The following SLC25A12 variants were observed in gnomAD, a reference collection of about 807,000 sequenced individuals.
SLC25A12 encodes electrogenic aspartate/glutamate antiporter SLC25A12, mitochondrial.
A neutral mutation model predicts 83.3 loss-of-function variants in SLC25A12; 32 were observed. That is an observed-to-expected ratio of 0.38 (90% CI 0.29 to 0.52). The LOEUF (loss-of-function observed/expected upper bound fraction) is 0.52. Ranked by LOEUF, SLC25A12 falls within the 20% of genes least tolerant of loss-of-function variation. The pLI, the probability that SLC25A12 is intolerant of heterozygous loss-of-function variation, is 0.84. For synonymous variants in SLC25A12, 267 were observed against 291.1 expected (o/e 0.92, Z 0.84); for missense variants, 611 against 835.6 (o/e 0.73, Z 3.31).
chr2:171,789,524 G>T (rs941835265), intron 15 of SLC25A12, among the ~76,000 whole-genome samples: 1 of 152,188 alleles, frequency 6.6e-6, no homozygotes, highest in Admixed American at 6.5e-5. Flanking sequence ...CACCAAGCTC[G>T]GCCTCAGCCT....
rs869070730 is a variant in SLC25A12 at position 171,821,017 on chromosome 2, C to CTTTTTTT, written c.930+5774_930+5780dup. On this transcript the variant is annotated intron_variant, in intron 9 of 17. Coordinates refer to ENST00000422440, the MANE Select transcript of SLC25A12 (RefSeq NM_003705.5). ...TGCAAATAACGCAGCTATAAACATT[C>CTTTTTTT]TTTTTTTTTTTTTTTTTTTTTTTTT... Among the ~76,000 whole-genome samples the CTTTTTTT allele has an allele frequency of 3.1e-4, 15 of 48,634 alleles. 2 individuals are homozygous for CTTTTTTT. Among genetic ancestry groups the CTTTTTTT allele is most frequent in the African/African-American group, 1.0e-3 (13 of 12,584 alleles). 31.9% of individuals were successfully genotyped at this position (48,634 alleles called of 152,430 possible).
chr2:171,787,756 C>T (rs550978880), intron 16 of SLC25A12, 33 bp downstream of exon 16: 2 of 1,613,306 alleles, frequency 1.2e-6, no homozygotes, highest in African/African-American at 1.3e-5. Flanking sequence ...TAGAGCCAGC[C>T]AGCCATTCTG....
At chr2:171,806,124 A>AAAACAAAC (rs796289009) in intron 13 of SLC25A12, among the ~76,000 whole-genome samples, 3 of 152,144 alleles carry the variant, frequency 2.0e-5, no homozygotes, top group Non-Finnish European at 4.4e-5. Context: ...AAAAAGAAGA[A>AAAACAAAC]AAACAAACAA....
intron 3 of SLC25A12, 22 bp from the exon 4 acceptor site, chr2:171,855,971 C>T (rs776995581): frequency 7.9e-7 from 1 of 1,258,756 alleles, no homozygotes; most frequent in South Asian, 1.2e-5. Context: ...TATAAAACGT[C>T]ATTGGCTGGT....
chr2:171,867,469 A>C (rs1432180323), intron 3 of SLC25A12, among the ~76,000 whole-genome samples: 1 of 152,186 alleles, frequency 6.6e-6, no homozygotes, highest in African/African-American at 2.4e-5. Flanking sequence ...CGTCTCCACC[A>C]AAAAAATACG....
intron 13 of SLC25A12, among the ~76,000 whole-genome samples, chr2:171,809,246 T>C (rs1329366592): frequency 1.3e-5 from 2 of 152,156 alleles, no homozygotes; most frequent in East Asian, 1.9e-4. Context: ...GGTCAAATGG[T>C]ATTTCTAGTT....
chr2:171,886,451 T>G (rs1340075120), intron 2 of SLC25A12, among the ~76,000 whole-genome samples: 1 of 151,466 alleles, frequency 6.6e-6, no homozygotes, highest in Non-Finnish European at 1.5e-5. Flanking sequence ...TAGGCTGTTT[T>G]TTTTTTTTTT....
At chr2:171,866,941 T>G in intron 3 of SLC25A12, among the ~76,000 whole-genome samples, 1 of 146,372 alleles carries the variant, frequency 6.8e-6, no homozygotes, top group Non-Finnish European at 1.5e-5. Flanking sequence ...GCGGAGGGTC[T>G]CCTCACTTCT....
chr2:171,875,179 C>T (rs913881712), intron 2 of SLC25A12, among the ~76,000 whole-genome samples: 4 of 152,152 alleles, frequency 2.6e-5, no homozygotes, highest in Non-Finnish European at 5.9e-5. Context: ...CAATTGCGGG[C>T]CACCACTTCA....
At chr2:171,842,873 G>C (rs1404259247) in intron 5 of SLC25A12, among the ~76,000 whole-genome samples, 1 of 152,132 alleles carries the variant, frequency 6.6e-6, no homozygotes, top group Non-Finnish European at 1.5e-5. Flanking sequence ...CCAGGCTGGA[G>C]TGCAGCGATG....
chr2:171,788,043 T>C, intron 15 of SLC25A12, 96 bp from the exon 16 acceptor site: 2 of 1,289,716 alleles, frequency 1.6e-6, no homozygotes, highest in Non-Finnish European at 2.2e-6. Flanking sequence ...CTTCAACCAC[T>C]TGAGCGGAAC....
chr2:171,886,127 C>G (rs1685812688), intron 2 of SLC25A12, among the ~76,000 whole-genome samples: 1 of 152,004 alleles, frequency 6.6e-6, no homozygotes, highest in Non-Finnish European at 1.5e-5. Context: ...CAAAATTTCT[C>G]TAAATTGGTG....
At chr2:171,874,157 C>T (rs1315845246) in intron 2 of SLC25A12, among the ~76,000 whole-genome samples, 2 of 152,092 alleles carry the variant, frequency 1.3e-5, no homozygotes, top group Admixed American at 6.6e-5. Context: ...ACCCGGGAGG[C>T]GGAGGTTGCG....
chr2:171,850,341 T>A (rs1267698642), intron 4 of SLC25A12, among the ~76,000 whole-genome samples: 9 of 123,622 alleles, frequency 7.3e-5, no homozygotes, highest in Non-Finnish European at 1.2e-4. Flanking sequence ...GTCTTTGTTT[T>A]TTTTTTTTTT....
chr2:171,866,026 T>G (rs372197438), intron 3 of SLC25A12, among the ~76,000 whole-genome samples: 2,378 of 137,598 alleles, frequency 0.017, 15 homozygotes, highest in Admixed American at 0.06. Flanking sequence ...TACTTGAGAT[T>G]AGGGAGTGGT....
At chr2:171,837,079 G>A in intron 6 of SLC25A12, 42 bp downstream of exon 6, 2 of 1,606,186 alleles carry the variant, frequency 1.2e-6, no homozygotes, top group Non-Finnish European at 1.7e-6. Flanking sequence ...GGATCAAAAG[G>A]TTTGAGGAAA....
chr2:171,797,011 G>A (rs185716816), intron 13 of SLC25A12, among the ~76,000 whole-genome samples: 1 of 152,274 alleles, frequency 6.6e-6, no homozygotes, highest in African/African-American at 2.4e-5. Flanking sequence ...CTCTTGAACT[G>A]GGTGTTTCCT....
chr2:171,848,407 T>A (rs1259708232), intron 4 of SLC25A12: 3 of 387,674 alleles, frequency 7.7e-6, no homozygotes, highest in African/African-American at 2.1e-5. Flanking sequence ...CCAAACATTC[T>A]TATTGTCAGG....
intron 2 of SLC25A12, among the ~76,000 whole-genome samples, chr2:171,889,165 C>T (rs901408188): frequency 9.2e-5 from 14 of 152,138 alleles, no homozygotes; most frequent in Non-Finnish European, 1.6e-4. Flanking sequence ...ACAAGGAATT[C>T]ATCTACCACC....
Sources: allele counts gnomAD v4.1 joint callset (sites outside exome capture counted in the v4.1 genomes callset), GRCh38; gene constraint gnomAD v4.1.1; transcripts MANE v1.5; gene names NCBI Gene and HGNC (gene_info 2026-07-23, HGNC 2026-07-21).